Variants in COL14A1 observed in about 807,000 individuals in gnomAD.
The protein encoded by COL14A1 is collagen alpha-1(XIV) chain.
A neutral mutation model predicts 230.3 loss-of-function variants in COL14A1; 136 were observed. The ratio of observed to expected loss-of-function variants is 0.59; its 90% CI spans 0.51 to 0.68. COL14A1 has a LOEUF of 0.68. Among genes scored for constraint, COL14A1 ranks in the 30% least tolerant of loss-of-function variants. The pLI, the probability that COL14A1 is intolerant of heterozygous loss-of-function variation, is 0.00. For synonymous variants in COL14A1, 792 were observed against 784.1 expected (o/e 1.01, Z -0.17); for missense variants, 1,976 against 2,215.8 (o/e 0.89, Z 2.17).
intron 42 of COL14A1, among the ~76,000 whole-genome samples, chr8:120,336,958 C>T (rs35153559): frequency 0.086 from 13,025 of 152,272 alleles, 734 homozygotes; most frequent in Non-Finnish European, 0.12. Flanking sequence ...TTAGGTACTG[C>T]ATTTCAACTA....
At chr8:120,208,109 G>T in intron 10 of COL14A1, 123 bp from the exon 11 acceptor site, 1 of 921,354 alleles carries the variant, frequency 1.1e-6, no homozygotes, top group Non-Finnish European at 1.6e-6. Flanking sequence ...TGGAAAGGGG[G>T]ATGTGGCACA....
At chr8:120,370,853 C>A in intron 47 of COL14A1, 1 of 1,341,526 alleles carries the variant, frequency 7.5e-7, no homozygotes, top group Non-Finnish European at 9.8e-7. Context: ...AAAAAAATTT[C>A]TATTTCTTTT....
chr8:120,340,032 C>T (rs1289349274), intron 42 of COL14A1, among the ~76,000 whole-genome samples: 3 of 107,618 alleles, frequency 2.8e-5, no homozygotes, highest in East Asian at 2.6e-4. Context: ...AGGGAGACTG[C>T]GTCTCAAAAA....
intron 45 of COL14A1, among the ~76,000 whole-genome samples, chr8:120,349,783 G>A (rs1299724392): frequency 5.1e-5 from 7 of 136,106 alleles, no homozygotes; most frequent in African/African-American, 1.8e-4. Flanking sequence ...AAGTGATGGG[G>A]AGAATGGAAC....
chr8:120,331,036 G>A (rs36071361), intron 40 of COL14A1, among the ~76,000 whole-genome samples: 1 of 151,154 alleles, frequency 6.6e-6, no homozygotes, highest in African/African-American at 2.4e-5. Flanking sequence ...ACCTGGGAGG[G>A]GGAAGTTGCG....
intron 9 of COL14A1, among the ~76,000 whole-genome samples, chr8:120,204,157 A>G (rs1385365497): frequency 3.9e-5 from 6 of 152,350 alleles, no homozygotes; most frequent in Admixed American, 2.0e-4. Context: ...TACAGTTTGT[A>G]AGAAATAATA....
intron 5 of COL14A1, among the ~76,000 whole-genome samples, chr8:120,179,301 G>T (rs964347132): frequency 6.6e-6 from 1 of 152,162 alleles, no homozygotes; most frequent in Non-Finnish European, 1.5e-5. Context: ...CATTATCTCA[G>T]CCCAAAATCT....
At chr8:120,364,030 A>G (rs1823319527) in intron 45 of COL14A1, among the ~76,000 whole-genome samples, 1 of 152,130 alleles carries the variant, frequency 6.6e-6, no homozygotes, top group South Asian at 2.1e-4. Flanking sequence ...AGGACAAGTT[A>G]TGGAGACAGA....
intron 5 of COL14A1, among the ~76,000 whole-genome samples, chr8:120,194,969 T>C (rs998056721): frequency 6.6e-6 from 1 of 152,216 alleles, no homozygotes; most frequent in African/African-American, 2.4e-5. Context: ...AATACAAAGT[T>C]ACCAGCTGAT....
At chr8:120,334,754 G>C (rs916701644) in intron 42 of COL14A1, among the ~76,000 whole-genome samples, 1 of 152,174 alleles carries the variant, frequency 6.6e-6, no homozygotes, top group Non-Finnish European at 1.5e-5. Context: ...CTGGGAACCA[G>C]AGTTTTAGAA....
At chr8:120,370,646 G>T in intron 47 of COL14A1, 1 of 1,455,082 alleles carries the variant, frequency 6.9e-7, no homozygotes, top group Non-Finnish European at 9.1e-7. Flanking sequence ...ATATGATCGT[G>T]TGCCAAGAAT....
chr8:120,130,034 G>T lies in COL14A1; in HGVS notation c.-38+4694G>T, dbSNP rs138789222. 1.7e-3 allele frequency among the ~76,000 whole-genome samples: 264 copies of T among 152,274 alleles called. 3 individuals are homozygous for T. The highest frequency in any genetic ancestry group is 6.1e-3 in the African/African-American group (255 of 41,544). The stretch of plus-strand genomic sequence containing the variant: ...GATGCAGTTCATCAGAGGCCTGGTT[G>T]GTGAAGGATCAAGTTTGGTGCTACT... On this transcript the variant is annotated intron_variant, in intron 1 of 47. Transcript: ENST00000297848.
chr8:120,144,421 T>C (rs1347339022), intron 1 of COL14A1, among the ~76,000 whole-genome samples: 1 of 152,152 alleles, frequency 6.6e-6, no homozygotes, highest in Non-Finnish European at 1.5e-5. Flanking sequence ...CAAAATATGT[T>C]AACTACACTG....
chr8:120,310,848 G>A (rs888305709), intron 37 of COL14A1, among the ~76,000 whole-genome samples: 4 of 152,216 alleles, frequency 2.6e-5, no homozygotes, highest in East Asian at 1.9e-4. Context: ...TCAGAATACC[G>A]TTCACCCTCT....
intron 5 of COL14A1, among the ~76,000 whole-genome samples, chr8:120,192,798 A>G (rs888909467): frequency 3.3e-5 from 5 of 151,798 alleles, no homozygotes; most frequent in Non-Finnish European, 7.4e-5. Flanking sequence ...CTTTCATTTC[A>G]TCTTCCATCA....
chr8:120,338,123 G>A (rs74829995), intron 42 of COL14A1, among the ~76,000 whole-genome samples: 7,523 of 151,992 alleles, frequency 0.049, 260 homozygotes, highest in Non-Finnish European at 0.081. Flanking sequence ...ATAAATGATA[G>A]CAAGAATAGC....
At chr8:120,143,846 T>C (rs756141518) in intron 1 of COL14A1, among the ~76,000 whole-genome samples, 39 of 151,968 alleles carry the variant, frequency 2.6e-4, no homozygotes, top group Middle Eastern at 3.4e-3. Flanking sequence ...ACTAGATAAA[T>C]GTAATGTGAC....
chr8:120,324,198 A>G (rs1227839013), intron 40 of COL14A1, among the ~76,000 whole-genome samples: 1 of 152,172 alleles, frequency 6.6e-6, no homozygotes, highest in Non-Finnish European at 1.5e-5. Context: ...ATAAGAAACC[A>G]GCTCATGTAC....
At chr8:120,316,920 T>C (rs962397104) in intron 40 of COL14A1, among the ~76,000 whole-genome samples, 2 of 152,164 alleles carry the variant, frequency 1.3e-5, no homozygotes, top group Non-Finnish European at 2.9e-5. Context: ...TGTGGGGAGA[T>C]TGTTAAGAGA....
Sources: gnomAD v4.1 joint callset for allele counts (sites outside exome capture counted in the v4.1 genomes callset) on GRCh38, gnomAD v4.1.1 for gene constraint, MANE v1.5 for transcripts, NCBI Gene and HGNC (gene_info 2026-07-23, HGNC 2026-07-21) for gene names.